The following RORB variants were observed in gnomAD, a reference collection of about 807,000 sequenced individuals.
RORB encodes the protein nuclear receptor ROR-beta.
Under a neutral mutation model 59.1 loss-of-function variants are expected in RORB, and 6 were observed. That is an observed-to-expected ratio of 0.10 (90% CI 0.06 to 0.20). The LOEUF (loss-of-function observed/expected upper bound fraction) is 0.20, where lower values mean the gene tolerates loss of function less well. Among genes scored for constraint, RORB ranks in the 10% least tolerant of loss-of-function variants. The probability of loss-of-function intolerance (pLI) is 1.00; values close to 1 mark genes in which losing one functional copy is unlikely to be tolerated. For missense variants in RORB, 320 were observed against 560.5 expected, an observed-to-expected ratio of 0.57 and a Z score of 4.33; for synonymous variants, 215 against 204.5, an observed-to-expected ratio of 1.05 and a Z score of -0.44.
chr9:74,605,309 G>A (rs185140451), intron 1 of RORB, among the ~76,000 whole-genome samples: 31 of 152,140 alleles, frequency 2.0e-4, no homozygotes, highest in Admixed American at 1.2e-3. Context: ...CAAATTTCAC[G>A]AGGGTTAGGA....
At chr9:74,569,134 GA>G (rs1475698488) in intron 1 of RORB, among the ~76,000 whole-genome samples, 1 of 151,748 alleles carries the variant, frequency 6.6e-6, no homozygotes, top group Non-Finnish European at 1.5e-5. Flanking sequence ...AGACACAAAT[GA>G]AAAAAATTCT....
At chr9:74,505,690 T>G (rs1037465974) in intron 1 of RORB, among the ~76,000 whole-genome samples, 3 of 152,134 alleles carry the variant, frequency 2.0e-5, no homozygotes, top group African/African-American at 7.2e-5. Context: ...TGGGTTAATT[T>G]GTTCATCATA....
intron 1 of RORB, among the ~76,000 whole-genome samples, chr9:74,620,609 G>A (rs1823398328): frequency 6.6e-6 from 1 of 152,016 alleles, no homozygotes; most frequent in Non-Finnish European, 1.5e-5. Flanking sequence ...GTTTGCTCTT[G>A]CTTCTCTAGT....
intron 1 of RORB, among the ~76,000 whole-genome samples, chr9:74,581,819 G>A (rs1198021354): frequency 2.6e-5 from 4 of 151,932 alleles, no homozygotes; most frequent in Admixed American, 6.6e-5. Context: ...TTCCTCTGAT[G>A]GATTATTACA....
chr9:74,499,225 C>T (rs1447446210), intron 1 of RORB: 2 of 152,646 alleles, frequency 1.3e-5, no homozygotes, highest in East Asian at 3.9e-4. Flanking sequence ...ATCCCAGACC[C>T]GGAGAGAGGT....
Position 74,687,172 on chromosome 9 carries a change from A to G in RORB, c.*1554A>G, listed in dbSNP as rs1824661795. ...TACCTCTGTTATTTTCTGATACAAA[A>G]TAAAACTTAAAAAAAAGAAAACAAG... On this transcript the variant is annotated 3_prime_UTR_variant, in exon 10 of 10. Coordinates refer to ENST00000376896, the MANE Select transcript of RORB (RefSeq NM_006914.4). The G allele has an allele frequency of 6.6e-6, 1 of 152,258 alleles. No homozygotes were observed. Among genetic ancestry groups the G allele is most frequent in the African/African-American group, 2.4e-5 (1 of 41,558 alleles). 9.4% of individuals were successfully genotyped at this position (152,258 alleles called of 1,614,324 possible).
intron 1 of RORB, among the ~76,000 whole-genome samples, chr9:74,610,304 G>A (rs1371586514): frequency 6.6e-6 from 1 of 152,158 alleles, no homozygotes; most frequent in Non-Finnish European, 1.5e-5. Flanking sequence ...AGCTCCCCAA[G>A]TGATTTTAAC....
chr9:74,501,409 A>T (rs1240650104), intron 1 of RORB, among the ~76,000 whole-genome samples: 3 of 152,142 alleles, frequency 2.0e-5, no homozygotes, highest in Admixed American at 2.0e-4. Context: ...TTACCTAAAC[A>T]AGTTCTCTCT....
intron 3 of RORB, among the ~76,000 whole-genome samples, chr9:74,637,478 G>A (rs1008371554): frequency 2.6e-5 from 4 of 152,114 alleles, no homozygotes; most frequent in African/African-American, 4.8e-5. Context: ...AAACACATAC[G>A]TGTGTCTTTA....
rs904915177 is a variant in RORB at position 74,691,811 on chromosome 9, G to T, written c.*6193G>T. The T allele has an allele frequency of 6.6e-6, 1 of 152,278 alleles. No homozygotes were observed. The highest frequency in any genetic ancestry group is 1.9e-4 in the East Asian group (1 of 5,184). The allele number at this position is 152,278 out of a possible 1,614,324, so 9.4% of individuals were successfully genotyped here. A position where few individuals can be genotyped will look rare whatever the true frequency, so the allele number is the denominator to read the frequency against. On this transcript the variant is annotated 3_prime_UTR_variant, in exon 10 of 10. Transcript: ENST00000376896. Reference sequence around the variant, plus strand: ...AGTTTAAGCATCTTGACGGGTCATTGGTGTTAAGTGTATGCTTCTTTTTGT... The same window carrying T: ...AGTTTAAGCATCTTGACGGGTCATTTGTGTTAAGTGTATGCTTCTTTTTGT...
intron 1 of RORB, among the ~76,000 whole-genome samples, chr9:74,510,535 T>A (rs1002511868): frequency 2.6e-5 from 4 of 152,064 alleles, no homozygotes; most frequent in Non-Finnish European, 4.4e-5. Context: ...CAGTTAAAAT[T>A]TATAATAATC....
chr9:74,578,646 T>G (rs1265282669), intron 1 of RORB, among the ~76,000 whole-genome samples: 1 of 150,014 alleles, frequency 6.7e-6, no homozygotes, highest in African/African-American at 2.5e-5. Context: ...TAAAAGATAT[T>G]TTATTTTGAA....
intron 2 of RORB, 32 bp downstream of exon 2, chr9:74,630,399 T>C (rs1236867173): frequency 6.4e-7 from 1 of 1,562,176 alleles, no homozygotes; most frequent in East Asian, 2.3e-5. Flanking sequence ...CGGTTCTGTA[T>C]TTGCCTCAGG....
At chr9:74,672,007 A>G in intron 9 of RORB, 106 bp downstream of exon 9, 2 of 621,976 alleles carry the variant, frequency 3.2e-6, no homozygotes, top group East Asian at 2.8e-5. Flanking sequence ...AATTTCTGAA[A>G]GTTACCAAAG....
intron 1 of RORB, among the ~76,000 whole-genome samples, chr9:74,521,949 T>C (rs1826090845): frequency 6.6e-6 from 1 of 151,814 alleles, no homozygotes; most frequent in Non-Finnish European, 1.5e-5. Context: ...CCTTGTGTAT[T>C]TTATCCTATA....
intron 4 of RORB, among the ~76,000 whole-genome samples, chr9:74,643,866 T>A (rs1157384): frequency 6.6e-6 from 1 of 152,052 alleles, no homozygotes; most frequent in South Asian, 2.1e-4. Flanking sequence ...TGGCTTACTA[T>A]TTAAGCTGGA....
intron 1 of RORB, among the ~76,000 whole-genome samples, chr9:74,562,692 T>C (rs1198856385): frequency 6.6e-6 from 1 of 152,198 alleles, no homozygotes; most frequent in East Asian, 1.9e-4. Context: ...ACATGGACAC[T>C]GGAATCCATG....
chr9:74,596,518 G>T (rs1359526693), intron 1 of RORB, among the ~76,000 whole-genome samples: 1 of 152,148 alleles, frequency 6.6e-6, no homozygotes, highest in African/African-American at 2.4e-5. Flanking sequence ...CATGGGTCTT[G>T]ATCAAACAAT....
At chr9:74,551,439 A>G (rs1430670721) in intron 1 of RORB, among the ~76,000 whole-genome samples, 4 of 152,234 alleles carry the variant, frequency 2.6e-5, no homozygotes, top group Non-Finnish European at 5.9e-5. Context: ...AGGGGAGGGC[A>G]TCAACAGCAC....
Sources: allele counts gnomAD v4.1 joint callset (sites outside exome capture counted in the v4.1 genomes callset), GRCh38; gene constraint gnomAD v4.1.1; transcripts MANE v1.5; gene names NCBI Gene and HGNC (gene_info 2026-07-23, HGNC 2026-07-21).